ARHGAP15: variants seen among roughly 807,000 people sequenced by gnomAD.
ARHGAP15 encodes Rho GTPase activating protein 15.
A neutral mutation model predicts 63.7 loss-of-function variants in ARHGAP15; 51 were observed. The ratio of observed to expected loss-of-function variants is 0.80; its 90% CI spans 0.64 to 1.01. ARHGAP15 has a LOEUF of 1.01. Ranked by LOEUF, ARHGAP15 falls within the 50% of genes least tolerant of loss-of-function variation. The probability of loss-of-function intolerance (pLI) is 0.00; values close to 1 mark genes in which losing one functional copy is unlikely to be tolerated. For missense variants in ARHGAP15, 560 were observed against 564.6 expected (o/e 0.99, Z 0.08); for synonymous variants, 191 against 193.8 (o/e 0.99, Z 0.12).
chr2:143,508,398 C>T (rs931248243), intron 9 of ARHGAP15, among the ~76,000 whole-genome samples: 8 of 152,204 alleles, frequency 5.3e-5, no homozygotes, highest in African/African-American at 1.9e-4. Context: ...GCGCTTATCA[C>T]CATCTGACAT....
chr2:143,406,677 C>G (rs946987387), intron 6 of ARHGAP15, among the ~76,000 whole-genome samples: 1 of 151,858 alleles, frequency 6.6e-6, no homozygotes, highest in African/African-American at 2.4e-5. Flanking sequence ...ACATAAAATG[C>G]ATTTTACCAA....
intron 12 of ARHGAP15, among the ~76,000 whole-genome samples, chr2:143,681,682 G>C (rs1226685844): frequency 6.6e-6 from 1 of 151,992 alleles, no homozygotes; most frequent in East Asian, 1.9e-4. Context: ...TCCTATTTTT[G>C]TTCAGACAAT....
chr2:143,428,127 G>A (rs754134362), intron 6 of ARHGAP15, among the ~76,000 whole-genome samples: 11 of 152,068 alleles, frequency 7.2e-5, no homozygotes, highest in East Asian at 1.9e-4. Flanking sequence ...TGTTATGAGC[G>A]CACTTGGGGG....
chr2:143,277,524 G>GA (rs1270878993), intron 6 of ARHGAP15, among the ~76,000 whole-genome samples: 1 of 151,678 alleles, frequency 6.6e-6, no homozygotes, highest in East Asian at 1.9e-4. Flanking sequence ...ATCTTTCTCA[G>GA]AAAACCTTCA....
Position 143,330,133 on chromosome 2 carries a change from C to CAAAAAAAA in ARHGAP15, c.474+79538_474+79539insAAAAAAAA, listed in dbSNP as rs1558898102. 7.8e-3 allele frequency among the ~76,000 whole-genome samples: 292 copies of CAAAAAAAA among 37,330 alleles called. 37 individuals are homozygous for CAAAAAAAA. The highest frequency in any genetic ancestry group is 0.015 in the East Asian group (18 of 1,162). The allele number at this position is 37,330 out of a possible 152,430, so 24.5% of individuals were successfully genotyped here. A position where few individuals can be genotyped will look rare whatever the true frequency, so the allele number is the denominator to read the frequency against. ...AAAAAAAAAAAAAAAAAAAAAAAACCAAAAACAAAAAACTAAACTAATGAT... is the reference window on the plus strand; with the variant it reads ...AAAAAAAAAAAAAAAAAAAAAAAACCAAAAAAAAAAAAACAAAAAACTAAACTAATGAT... On this transcript the variant is annotated intron_variant, in intron 6 of 13. Coordinates refer to ENST00000295095, the MANE Select transcript of ARHGAP15 (RefSeq NM_018460.4).
chr2:143,546,006 T>A (rs770278172), intron 10 of ARHGAP15, among the ~76,000 whole-genome samples: 1 of 152,218 alleles, frequency 6.6e-6, no homozygotes, highest in Non-Finnish European at 1.5e-5. Context: ...TAGAACAGCT[T>A]TGTTTCTGAT....
chr2:143,442,445 T>A (rs1313888667), intron 8 of ARHGAP15, among the ~76,000 whole-genome samples: 2 of 152,096 alleles, frequency 1.3e-5, no homozygotes, highest in Admixed American at 1.3e-4. Flanking sequence ...CTGTACCGTC[T>A]CCACCAAAGC....
chr2:143,297,440 G>A (rs1475829791), intron 6 of ARHGAP15, among the ~76,000 whole-genome samples: 1 of 151,930 alleles, frequency 6.6e-6, no homozygotes. Flanking sequence ...TCTGCTGGGT[G>A]GCTCCTTAGA....
intron 12 of ARHGAP15, among the ~76,000 whole-genome samples, chr2:143,692,064 G>A (rs545232804): frequency 5.9e-5 from 9 of 152,254 alleles, no homozygotes; most frequent in African/African-American, 1.2e-4. Context: ...TAATCCTCCC[G>A]AAACTTCTGG....
intron 12 of ARHGAP15, among the ~76,000 whole-genome samples, chr2:143,642,987 C>T (rs531294815): frequency 7.2e-5 from 11 of 152,230 alleles, no homozygotes; most frequent in African/African-American, 2.6e-4. Context: ...TTCTTATCCT[C>T]CTGCCTATCA....
chr2:143,379,857 TCTTA>T, intron 6 of ARHGAP15, among the ~76,000 whole-genome samples: 1 of 152,144 alleles, frequency 6.6e-6, no homozygotes, highest in South Asian at 2.1e-4. Flanking sequence ...TTAAAGACGT[TCTTA>T]CTCAACATCC....
intron 8 of ARHGAP15, 116 bp from the exon 9 acceptor site, chr2:143,487,257 T>G: frequency 9.8e-6 from 12 of 1,219,392 alleles, no homozygotes; most frequent in Non-Finnish European, 1.4e-5. Flanking sequence ...CAGAAGAGCC[T>G]GAGCTATTAA....
At chr2:143,435,234 C>A in intron 6 of ARHGAP15, 1 of 991,728 alleles carries the variant, frequency 1.0e-6, no homozygotes, top group Non-Finnish European at 1.2e-6. Context: ...AAGAGGCAAA[C>A]GTGCAGAATG....
chr2:143,667,988 A>AAAAAATACATATATAAAAATATATTTTTT (rs1425474774), intron 12 of ARHGAP15, among the ~76,000 whole-genome samples: 2 of 152,096 alleles, frequency 1.3e-5, no homozygotes, highest in East Asian at 1.9e-4. Context: ...ACCCTGTCTC[A>AAAAAATACATATATAAAAATATATTTTTT]AAAAATACAT....
chr2:143,267,698 A>AGAT (rs1681066435), intron 6 of ARHGAP15, among the ~76,000 whole-genome samples: 1 of 152,202 alleles, frequency 6.6e-6, no homozygotes. Flanking sequence ...TTCTATTCAC[A>AGAT]GATATTTGTA....
intron 12 of ARHGAP15, among the ~76,000 whole-genome samples, chr2:143,643,445 A>C (rs1391033351): frequency 7.1e-6 from 1 of 141,818 alleles, no homozygotes; most frequent in African/African-American, 2.5e-5. Context: ...CCACCAAAAA[A>C]AAGTTATAGA....
intron 5 of ARHGAP15, among the ~76,000 whole-genome samples, chr2:143,238,884 AC>A (rs755654095): frequency 9.2e-5 from 14 of 152,156 alleles, no homozygotes; most frequent in East Asian, 3.8e-4. Context: ...TGAGATCATG[AC>A]CTTTGCAGGG....
At chr2:143,425,406 T>TA (rs1394012480) in intron 6 of ARHGAP15, among the ~76,000 whole-genome samples, 1 of 151,914 alleles carries the variant, frequency 6.6e-6, no homozygotes, top group Admixed American at 6.6e-5. Flanking sequence ...TATATAACTT[T>TA]ATAGTATGTA....
chr2:143,485,097 T>C (rs1692264877), intron 8 of ARHGAP15, among the ~76,000 whole-genome samples: 1 of 152,246 alleles, frequency 6.6e-6, no homozygotes, highest in South Asian at 2.1e-4. Context: ...AAAAAATTTT[T>C]AATTTCCGGG....
Sources: allele counts gnomAD v4.1 joint callset (sites outside exome capture counted in the v4.1 genomes callset), GRCh38; gene constraint gnomAD v4.1.1; transcripts MANE v1.5; gene names NCBI Gene and HGNC (gene_info 2026-07-23, HGNC 2026-07-21).